The following EEIG2 variants were observed in gnomAD, a reference collection of about 807,000 sequenced individuals.
EEIG2 encodes the protein family with sequence similarity 102 member B.
At chr1:108,568,581 T>C in the EEIG2 span, among the ~76,000 whole-genome samples, 1 of 152,212 alleles carries the variant, frequency 6.6e-6, no homozygotes, top group Non-Finnish European at 1.5e-5. Context: ...TCACCTGTTT[T>C]TGATTTAGAA....
At chr1:108,600,781 A>G in the EEIG2 span, 1 of 1,350,008 alleles carries the variant, frequency 7.4e-7, no homozygotes, top group Non-Finnish European at 1.0e-6. Context: ...TATCTGTTTC[A>G]TTAGAACTGT....
At chr1:108,619,040 T>G in the EEIG2 span, among the ~76,000 whole-genome samples, 1 of 152,122 alleles carries the variant, frequency 6.6e-6, no homozygotes, top group Non-Finnish European at 1.5e-5. Context: ...AATAAGAAAA[T>G]GAGCAGCAAA....
chr1:108,617,570 T>C, the EEIG2 span, among the ~76,000 whole-genome samples: 20 of 152,144 alleles, frequency 1.3e-4, no homozygotes, highest in Admixed American at 5.2e-4. Flanking sequence ...GGGCAGGAGA[T>C]AGAAGTTTGG....
chr1:108,612,387 G>A, the EEIG2 span: 4 of 798,706 alleles, frequency 5.0e-6, no homozygotes, highest in Admixed American at 1.0e-4. Context: ...ATGTGAATCA[G>A]TGCTGATATG....
At chr1:108,613,442 A>G in the EEIG2 span, among the ~76,000 whole-genome samples, 1 of 152,164 alleles carries the variant, frequency 6.6e-6, no homozygotes, top group Non-Finnish European at 1.5e-5. Flanking sequence ...CGTATTTCTT[A>G]TATGAAAAGA....
the EEIG2 span, among the ~76,000 whole-genome samples, chr1:108,616,829 T>G: frequency 8.5e-5 from 13 of 152,190 alleles, no homozygotes; most frequent in Admixed American, 3.3e-4. Context: ...GAGCTTATAT[T>G]CTAAGAGGAA....
chr1:108,598,312 C>T, the EEIG2 span, among the ~76,000 whole-genome samples: 7 of 118,804 alleles, frequency 5.9e-5, no homozygotes, highest in Non-Finnish European at 8.1e-5. Flanking sequence ...CCAGCCTGGG[C>T]GACAGAGCAA....
the EEIG2 span, among the ~76,000 whole-genome samples, chr1:108,607,505 A>G: frequency 6.6e-6 from 1 of 152,140 alleles, no homozygotes; most frequent in East Asian, 1.9e-4. Context: ...ACATGGGTGA[A>G]CTGAGGCTGG....
chr1:108,600,470 A>G, the EEIG2 span: 1 of 1,373,218 alleles, frequency 7.3e-7, no homozygotes, highest in Non-Finnish European at 1.0e-6. Context: ...TTAACACATT[A>G]CTTTTGCATG....
the EEIG2 span, among the ~76,000 whole-genome samples, chr1:108,590,349 G>C: frequency 3.9e-5 from 6 of 152,168 alleles, no homozygotes; most frequent in Non-Finnish European, 4.4e-5. Context: ...CTTTTAAGAA[G>C]TAGAAATCTT....
the EEIG2 span, among the ~76,000 whole-genome samples, chr1:108,617,300 G>A: frequency 0.015 from 2,217 of 152,274 alleles, 20 homozygotes; most frequent in Non-Finnish European, 0.025. Context: ...GCTAGATAGG[G>A]AATAGACAAT....
At chr1:108,599,855 G>C in the EEIG2 span, among the ~76,000 whole-genome samples, 1 of 152,176 alleles carries the variant, frequency 6.6e-6, no homozygotes, top group African/African-American at 2.4e-5. Context: ...AGCCTGGCGT[G>C]GTGGCAGGTG....
the EEIG2 span, chr1:108,631,021 A>G: frequency 1.4e-5 from 3 of 210,766 alleles, no homozygotes; most frequent in African/African-American, 7.0e-5. Context: ...GATTAACTAC[A>G]ATCAGATATC....
the EEIG2 span, among the ~76,000 whole-genome samples, chr1:108,613,564 T>C: frequency 6.6e-6 from 1 of 152,134 alleles, no homozygotes; most frequent in Admixed American, 6.6e-5. Context: ...CCTTCTGGCT[T>C]CCCATTCATC....
At chr1:108,605,896 G>A in the EEIG2 span, among the ~76,000 whole-genome samples, 4 of 152,116 alleles carry the variant, frequency 2.6e-5, no homozygotes, top group African/African-American at 7.2e-5. Context: ...GCTTAACTGA[G>A]TAAATAATTT....
the EEIG2 span, chr1:108,560,699 C>T: frequency 9.1e-7 from 1 of 1,097,376 alleles, no homozygotes; most frequent in Admixed American, 3.0e-5. Context: ...TATTGATCTG[C>T]AAAGTGCTTT....
the EEIG2 span, chr1:108,600,748 G>C: frequency 5.9e-6 from 9 of 1,527,518 alleles, no homozygotes; most frequent in Admixed American, 9.2e-5. Flanking sequence ...GTAGTCACTG[G>C]CTGGCTTTGT....
At chr1:108,615,804 A>G in the EEIG2 span, among the ~76,000 whole-genome samples, 67 of 151,080 alleles carry the variant, frequency 4.4e-4, no homozygotes, top group Admixed American at 8.6e-4. Flanking sequence ...AAAAAAAAAA[A>G]GTTTTAAATT....
At chr1:108,570,248 A>G in the EEIG2 span, among the ~76,000 whole-genome samples, 1 of 152,276 alleles carries the variant, frequency 6.6e-6, no homozygotes, top group South Asian at 2.1e-4. Flanking sequence ...GATAAAGGGA[A>G]CAGAAGACAC....
Sources: gnomAD v4.1 joint callset for allele counts (sites outside exome capture counted in the v4.1 genomes callset) on GRCh38, gnomAD v4.1.1 for gene constraint, MANE v1.5 for transcripts, NCBI Gene and HGNC (gene_info 2026-07-23, HGNC 2026-07-21) for gene names.